Variants in SCEL observed in about 807,000 individuals in gnomAD.
The protein encoded by SCEL is sciellin.
A neutral mutation model predicts 117.6 loss-of-function variants in SCEL; 113 were observed. The ratio of observed to expected loss-of-function variants is 0.96; its 90% CI spans 0.83 to 1.12. SCEL has a LOEUF of 1.12. SCEL is among the 50% of genes most tolerant of loss of function. The pLI is 0.00. For missense variants in SCEL, 785 were observed against 810.8 expected (o/e 0.97, Z 0.39); for synonymous variants, 270 against 256.2 (o/e 1.05, Z -0.51).
At chr13:77,617,898 G>T (rs1174995043) in intron 26 of SCEL, 36 bp downstream of exon 26, 1 of 1,582,902 alleles carries the variant, frequency 6.3e-7, no homozygotes. Flanking sequence ...GTTTTTATTT[G>T]TCTGTTGCCC....
chr13:77,601,277 T>C (rs982964019), intron 15 of SCEL, among the ~76,000 whole-genome samples: 1 of 152,208 alleles, frequency 6.6e-6, no homozygotes, highest in African/African-American at 2.4e-5. Flanking sequence ...GAAAAAGATT[T>C]ATAATCTGGG....
At chr13:77,618,162 T>TTTCCTCCC (rs1201889061) in intron 27 of SCEL, 102 bp downstream of exon 27, 2 of 856,428 alleles carry the variant, frequency 2.3e-6, no homozygotes, top group Non-Finnish European at 2.0e-6. Flanking sequence ...CCCTTACTCC[T>TTTCCTCCC]TTCCTCCCTT....
At chr13:77,571,208 C>T (rs745479558) in intron 8 of SCEL, among the ~76,000 whole-genome samples, 1 of 150,286 alleles carries the variant, frequency 6.7e-6, no homozygotes, top group Non-Finnish European at 1.5e-5. Flanking sequence ...TTTGGGAGGC[C>T]GAGGCGGGTG....
chr13:77,569,244 C>A, intron 7 of SCEL, 127 bp from the exon 8 acceptor site: 1 of 686,160 alleles, frequency 1.5e-6, no homozygotes, highest in Non-Finnish European at 2.4e-6. Context: ...GTTTTTCTAT[C>A]CCCAAGTGAA....
intron 24 of SCEL, among the ~76,000 whole-genome samples, chr13:77,615,918 T>G (rs1162202831): frequency 1.3e-5 from 2 of 152,038 alleles, no homozygotes; most frequent in African/African-American, 4.8e-5. Flanking sequence ...AATCAGCATT[T>G]TTTCTTAAAT....
intron 5 of SCEL, among the ~76,000 whole-genome samples, chr13:77,566,826 C>A (rs2085317993): frequency 6.6e-6 from 1 of 152,080 alleles, no homozygotes; most frequent in African/African-American, 2.4e-5. Flanking sequence ...GGAAGACCAC[C>A]AGGAGGTTTT....
intron 2 of SCEL, among the ~76,000 whole-genome samples, chr13:77,556,188 A>G (rs1238328147): frequency 2.6e-5 from 4 of 152,226 alleles, no homozygotes; most frequent in Non-Finnish European, 5.9e-5. Flanking sequence ...GAATTAAGTT[A>G]CTTAGAATCA....
chr13:77,570,204 C>A (rs1272641065), intron 8 of SCEL, among the ~76,000 whole-genome samples: 1 of 152,186 alleles, frequency 6.6e-6, no homozygotes, highest in South Asian at 2.1e-4. Context: ...GCTGACTTTG[C>A]CATGGTGCTG....
chr13:77,571,130 C>T (rs1006691554), intron 8 of SCEL, among the ~76,000 whole-genome samples: 2 of 150,886 alleles, frequency 1.3e-5, no homozygotes, highest in Non-Finnish European at 3.0e-5. Flanking sequence ...GCGCCTAGCT[C>T]GCTCACAGTT....
At chr13:77,607,137 C>T (rs963132479) in intron 19 of SCEL, among the ~76,000 whole-genome samples, 2 of 152,080 alleles carry the variant, frequency 1.3e-5, no homozygotes, top group Non-Finnish European at 2.9e-5. Flanking sequence ...AGCCTGGGCT[C>T]ATGGGGATCT....
At chr13:77,633,452 A>AAAAAG (rs2090127927) in intron 28 of SCEL, among the ~76,000 whole-genome samples, 1 of 143,494 alleles carries the variant, frequency 7.0e-6, no homozygotes, top group Non-Finnish European at 1.5e-5. Flanking sequence ...CAAAAAAAAA[A>AAAAAG]AAAAAAAAAA....
At chr13:77,550,390 A>G (rs996913307) in intron 1 of SCEL, among the ~76,000 whole-genome samples, 3 of 914 alleles carry the variant, frequency 3.3e-3, no homozygotes, top group Non-Finnish European at 0.01. Context: ...TGTCTAAAAT[A>G]TATATATATA....
At chr13:77,543,219 G>T (rs1222116904) in intron 1 of SCEL, among the ~76,000 whole-genome samples, 1 of 151,394 alleles carries the variant, frequency 6.6e-6, no homozygotes, top group Non-Finnish European at 1.5e-5. Flanking sequence ...AAGTAGCTGG[G>T]ACTACAGGCG....
chr13:77,541,340 TA>T, intron 1 of SCEL, among the ~76,000 whole-genome samples: 1 of 152,326 alleles, frequency 6.6e-6, no homozygotes, highest in South Asian at 2.1e-4. Context: ...ATGATAATTC[TA>T]AATGCTGGCA....
At chr13:77,544,597 G>T (rs1185410160) in intron 1 of SCEL, among the ~76,000 whole-genome samples, 3 of 152,206 alleles carry the variant, frequency 2.0e-5, no homozygotes, top group Non-Finnish European at 4.4e-5. Context: ...CTTGGCATTG[G>T]GACAAGAGGA....
chr13:77,550,334 C>T (rs2084237490), intron 1 of SCEL, among the ~76,000 whole-genome samples: 1 of 150,748 alleles, frequency 6.6e-6, no homozygotes, highest in Admixed American at 6.6e-5. Context: ...TGCAGTGCGG[C>T]AAGATCATGC....
At chr13:77,621,242 G>T (rs1352321912) in intron 27 of SCEL, among the ~76,000 whole-genome samples, 1 of 152,088 alleles carries the variant, frequency 6.6e-6, no homozygotes, top group African/African-American at 2.4e-5. Context: ...CATTGCCATT[G>T]CATAATGGCC....
At chr13:77,613,998 A>T (rs1323651461) in intron 24 of SCEL, 43 bp downstream of exon 24, 1 of 1,428,168 alleles carries the variant, frequency 7.0e-7, no homozygotes, top group South Asian at 1.2e-5. Flanking sequence ...TCGTTAAGTA[A>T]ACCCAAAATT....
intron 12 of SCEL, 85 bp downstream of exon 12, chr13:77,593,658 A>G: frequency 1.1e-6 from 1 of 927,182 alleles, no homozygotes; most frequent in Non-Finnish European, 1.7e-6. Flanking sequence ...AGTTCCAAAT[A>G]TGAACAAAAT....
Sources: allele counts gnomAD v4.1 joint callset (sites outside exome capture counted in the v4.1 genomes callset), GRCh38; gene constraint gnomAD v4.1.1; transcripts MANE v1.5; gene names NCBI Gene and HGNC (gene_info 2026-07-23, HGNC 2026-07-21).